The following UBAP2L variants were observed in gnomAD, a reference collection of about 807,000 sequenced individuals.
The protein encoded by UBAP2L is ubiquitin-associated protein 2-like.
A neutral mutation model predicts 130.6 loss-of-function variants in UBAP2L; 12 were observed. The ratio of observed to expected loss-of-function variants is 0.09; its 90% confidence interval spans 0.06 to 0.15. UBAP2L has a LOEUF of 0.15. Ranked by LOEUF, UBAP2L falls within the 10% of genes least tolerant of loss-of-function variation. The pLI, the probability that UBAP2L is intolerant of heterozygous loss-of-function variation, is 1.00. For missense variants in UBAP2L, 965 were observed against 1,332.5 expected (o/e 0.72, Z 4.29); for synonymous variants, 503 against 524.7 (o/e 0.96, Z 0.57).
chr1:154,235,047 G>T, intron 5 of UBAP2L, 149 bp from the exon 6 acceptor site: 2 of 650,754 alleles, frequency 3.1e-6, no homozygotes, highest in Non-Finnish European at 5.5e-6. Context: ...CATCCTTCCA[G>T]CTCATTTTCT....
At chr1:154,232,927 G>T (rs1301352393) in intron 4 of UBAP2L, among the ~76,000 whole-genome samples, 2 of 152,036 alleles carry the variant, frequency 1.3e-5, no homozygotes, top group Non-Finnish European at 2.9e-5. Flanking sequence ...CAGATTCCTG[G>T]CCTGAAATGA....
At chr1:154,236,650 T>C (rs754762833) in intron 7 of UBAP2L, 39 bp downstream of exon 7, 1 of 1,611,000 alleles carries the variant, frequency 6.2e-7, no homozygotes, top group Non-Finnish European at 8.5e-7. Context: ...TTTTTTTCCC[T>C]TAAAAATTAC....
chr1:154,240,199 T>G (rs1334389455), intron 8 of UBAP2L, among the ~76,000 whole-genome samples: 1 of 152,118 alleles, frequency 6.6e-6, no homozygotes, highest in African/African-American at 2.4e-5. Context: ...AAAATAAGGG[T>G]GCTCTTGTCC....
chr1:154,270,405 A>T lies in UBAP2L; in HGVS notation c.*110A>T, dbSNP rs1329803921. On this transcript the variant is annotated 3_prime_UTR_variant, in exon 27 of 27. Transcript: ENST00000428931. Reference sequence around the variant, plus strand: ...ATGTGGGGGGTTTCCGCTGCCCCCCACCCCCAGCGGCCCACCCCATGCCTC... The same window carrying T: ...ATGTGGGGGGTTTCCGCTGCCCCCCTCCCCCAGCGGCCCACCCCATGCCTC... 1 of 933,218 alleles carries T rather than the reference A, an allele frequency of 1.1e-6. No individual in the cohort carries two copies. The highest frequency in any genetic ancestry group is 1.6e-6 in the Non-Finnish European group (1 of 617,348). The allele number at this position is 933,218 out of a possible 1,614,324, so 57.8% of individuals were successfully genotyped here.
intron 8 of UBAP2L, among the ~76,000 whole-genome samples, chr1:154,240,832 T>C (rs1332902644): frequency 6.6e-6 from 1 of 151,480 alleles, no homozygotes; most frequent in Non-Finnish European, 1.5e-5. Flanking sequence ...GTAGTTTGCA[T>C]GTTATGGTTT....
chr1:154,230,847 A>G (rs530428305), intron 4 of UBAP2L, among the ~76,000 whole-genome samples: 1 of 152,354 alleles, frequency 6.6e-6, no homozygotes, highest in African/African-American at 2.4e-5. Context: ...TTGGGAAGAT[A>G]ATAGTAATTC....
chr1:154,253,876 G>A (rs755900782), intron 14 of UBAP2L, 24 bp from the exon 15 acceptor site: 1 of 1,612,128 alleles, frequency 6.2e-7, no homozygotes, highest in Non-Finnish European at 8.5e-7. Flanking sequence ...GTTTCTCTGA[G>A]ATTTTTCTCT....
At chr1:154,250,762 G>A (rs141554820) in intron 12 of UBAP2L, among the ~76,000 whole-genome samples, 1 of 150,482 alleles carries the variant, frequency 6.6e-6, no homozygotes, top group East Asian at 2.0e-4. Flanking sequence ...CAAGAGAATT[G>A]CTTTAACCCA....
intron 4 of UBAP2L, 135 bp from the exon 5 acceptor site, chr1:154,234,456 G>A (rs531509375): frequency 3.7e-6 from 3 of 816,526 alleles, no homozygotes; most frequent in South Asian, 3.5e-5. Flanking sequence ...AGAAGTAAAA[G>A]CAAACTAATG....
chr1:154,236,574 G>A lies in UBAP2L; in HGVS notation c.553G>A (p.Gly185Ser), dbSNP rs1467339933. 1 of 1,613,856 alleles carries A rather than the reference G, an allele frequency of 6.2e-7. No individual in the cohort carries two copies. The highest frequency in any genetic ancestry group is 8.5e-7 in the Non-Finnish European group (1 of 1,179,968). Residue 185 changes from glycine to serine, a missense_variant, in exon 7 of 27, where the codon GGT becomes AGT. Around this residue, in one of 9 missense-constraint regions of UBAP2L, gnomAD observed 109 missense variants for 146.6 expected, o/e 0.74. Transcript: ENST00000428931. The stretch of plus-strand genomic sequence containing the variant: ...TCTCATTCTTTCTTTAGGTGGCTCT[G>A]GTAGGCGAGGAGGAAGGTTTTCTGC... ...RGRGRGRGGS[G>S]RRGGRFSAQG...
At chr1:154,269,218 A>G in intron 26 of UBAP2L, 1 of 891,516 alleles carries the variant, frequency 1.1e-6, no homozygotes, top group Non-Finnish European at 1.7e-6. Flanking sequence ...AGTTGTCCTC[A>G]TCCCATCAGA....
rs1346080434 is a variant in UBAP2L, at chr1:154,260,947, C to G, written c.2634C>G (p.Thr878=). ...CCTCCTCCCCAGCCCCGGCCACAACCTTGGCCCAACCCCAACAGAACCAGA... is the reference window on the plus strand; with the variant it reads ...CCTCCTCCCCAGCCCCGGCCACAACGTTGGCCCAACCCCAACAGAACCAGA... ...GDASSPAPAT[T]LAQPQQNQTQ... Residue 878 remains threonine, a synonymous_variant, in exon 23 of 27, where the codon ACC becomes ACG. Transcript: ENST00000428931. 1.2e-6 allele frequency: 2 copies of G among 1,614,234 alleles called. No homozygotes were observed. The highest frequency in any genetic ancestry group is 8.5e-7 in the Non-Finnish European group (1 of 1,180,046).
chr1:154,250,926 C>CT, intron 12 of UBAP2L, 115 bp from the exon 13 acceptor site: 3 of 1,085,780 alleles, frequency 2.8e-6, no homozygotes, highest in South Asian at 1.6e-5. Flanking sequence ...AGAGGGCCTG[C>CT]TTATATGAGT....
At chr1:154,235,756 C>T (rs183761278) in intron 6 of UBAP2L, among the ~76,000 whole-genome samples, 122 of 152,170 alleles carry the variant, frequency 8.0e-4, no homozygotes, top group African/African-American at 2.7e-3. Context: ...GTGATGCGCC[C>T]GCCTCGCTAA....
downstream of UBAP2L, chr1:154,271,131 T>C: frequency 1.7e-6 from 1 of 599,470 alleles, no homozygotes. Context: ...CTGCTACATC[T>C]ACAGCCGATT....
At chr1:154,235,389 C>G in intron 6 of UBAP2L, 98 bp downstream of exon 6, 2 of 613,614 alleles carry the variant, frequency 3.3e-6, no homozygotes, top group South Asian at 2.1e-5. Flanking sequence ...TAGTCTCACT[C>G]TCACCCAGGC....
chr1:154,247,354 A>T (rs896722621), intron 11 of UBAP2L, among the ~76,000 whole-genome samples: 6 of 152,190 alleles, frequency 3.9e-5, no homozygotes, highest in African/African-American at 1.4e-4. Context: ...AGGTGGGAGG[A>T]GAAGGGAAAT....
intron 11 of UBAP2L, 34 bp from the exon 12 acceptor site, chr1:154,249,205 T>C (rs748128423): frequency 1.2e-6 from 2 of 1,609,258 alleles, no homozygotes; most frequent in African/African-American, 2.7e-5. Context: ...GGTTACTGGC[T>C]GTAGGTTTCT....
chr1:154,267,880 CTTTTTTTTTTTTTTTTTT>C (rs869153080), intron 25 of UBAP2L, among the ~76,000 whole-genome samples: 1 of 52,056 alleles, frequency 1.9e-5, no homozygotes, highest in Non-Finnish European at 3.6e-5. Flanking sequence ...CTTATTTGGT[CTTTTTTTTTTTTTTTTTT>C]TTTTTTTTGA....
Sources: allele counts gnomAD v4.1 joint callset (sites outside exome capture counted in the v4.1 genomes callset), GRCh38; gene constraint gnomAD v4.1.1; regional missense constraint gnomAD v4.1.1; transcripts MANE v1.5; gene names NCBI Gene and HGNC (gene_info 2026-07-23, HGNC 2026-07-21).